The following NAALADL2 variants were observed in gnomAD, a reference collection of about 807,000 sequenced individuals.
NAALADL2 encodes N-acetylated alpha-linked acidic dipeptidase like 2.
In NAALADL2, 76 loss-of-function variants were observed where a neutral mutation model predicts 87.2. That is an observed-to-expected ratio of 0.87 (90% CI 0.72 to 1.05). The LOEUF is 1.05. Ranked by LOEUF, NAALADL2 falls within the 50% of genes least tolerant of loss-of-function variation. The pLI, the probability that NAALADL2 is intolerant of heterozygous loss-of-function variation, is 0.00. For synonymous variants in NAALADL2, 354 were observed against 331.0 expected, an observed-to-expected ratio of 1.07 and a Z score of -0.75; for missense variants, 1,089 against 945.8, an observed-to-expected ratio of 1.15 and a Z score of -1.99.
At chr3:174,510,890 T>G (rs1719558968) in intron 1 of NAALADL2, among the ~76,000 whole-genome samples, 1 of 151,984 alleles carries the variant, frequency 6.6e-6, no homozygotes, top group East Asian at 1.9e-4. Context: ...AATTGTGACA[T>G]GACGTGTGTT....
At chr3:175,498,899 G>A (rs904060462) in intron 9 of NAALADL2, among the ~76,000 whole-genome samples, 4 of 152,010 alleles carry the variant, frequency 2.6e-5, no homozygotes, top group African/African-American at 9.7e-5. Context: ...TGCAATCATG[G>A]TAAAGCACAC....
At chr3:175,786,595 ATTC>A (rs879619186) in intron 13 of NAALADL2, among the ~76,000 whole-genome samples, 126 of 152,068 alleles carry the variant, frequency 8.3e-4, no homozygotes, top group Non-Finnish European at 1.7e-3. Flanking sequence ...CTAGTTATAC[ATTC>A]TTCTAAATTT....
At chr3:174,891,284 T>A (rs1461822726) in intron 1 of NAALADL2, among the ~76,000 whole-genome samples, 1 of 151,982 alleles carries the variant, frequency 6.6e-6, no homozygotes, top group Non-Finnish European at 1.5e-5. Flanking sequence ...TCATCATCCC[T>A]TACCCACAAG....
intron 6 of NAALADL2, among the ~76,000 whole-genome samples, chr3:175,458,114 A>G (rs1722592558): frequency 6.6e-6 from 1 of 152,074 alleles, no homozygotes; most frequent in Non-Finnish European, 1.5e-5. Flanking sequence ...AAGATGTACC[A>G]AATCATCTTG....
In NAALADL2 at chr3:174,459,174, A is replaced by C. The variant is rs182873413; in HGVS notation, c.-184+18142A>C. 8.5e-5 allele frequency: 13 copies of C among 152,370 alleles called. No individual in the cohort carries two copies. The East Asian group carries it at 2.5e-3, about 29-fold the overall frequency. 9.4% of individuals were successfully genotyped at this position (152,370 alleles called of 1,614,324 possible). On this transcript the variant is annotated intron_variant, in intron 1 of 3. Coordinates refer to the NAALADL2 transcript ENST00000434257. ...ATTAAGAACATTATTGACAGAATAA[A>C]AAGTTGGTAGTCCTTTTATGTCTTT...
At chr3:175,400,597 G>T (rs1770437878) in intron 5 of NAALADL2, among the ~76,000 whole-genome samples, 1 of 152,034 alleles carries the variant, frequency 6.6e-6, no homozygotes, top group African/African-American at 2.4e-5. Flanking sequence ...CATTAAGGTG[G>T]GTTTGTCAGC....
At chr3:174,736,153 A>G (rs1236138756) in intron 2 of NAALADL2, among the ~76,000 whole-genome samples, 4 of 152,140 alleles carry the variant, frequency 2.6e-5, no homozygotes, top group African/African-American at 9.7e-5. Flanking sequence ...AGAGAGTGTC[A>G]CAGCCCTGGC....
At position 174,607,200 on chromosome 3, in the gene NAALADL2, C is replaced by T. The variant is rs191648013; in HGVS notation, c.-115+56563C>T. 6.6e-3 allele frequency among the ~76,000 whole-genome samples: 1,005 copies of T among 151,960 alleles called. 20 individuals are homozygous for T. The highest frequency in any genetic ancestry group is 0.046 in the South Asian group (219 of 4,788). On this transcript the variant is annotated intron_variant, in intron 2 of 3. Transcript: ENST00000434257. ...ATGGAAAGGAACAACTGGTACCAGCCGCTGCAAAATCATGCCAAAATGTAA... is the reference window on the plus strand; with the variant it reads ...ATGGAAAGGAACAACTGGTACCAGCTGCTGCAAAATCATGCCAAAATGTAA...
intron 2 of NAALADL2, among the ~76,000 whole-genome samples, chr3:174,565,351 C>G (rs1161068773): frequency 2.0e-5 from 3 of 151,996 alleles, no homozygotes; most frequent in Admixed American, 1.3e-4. Flanking sequence ...CCCCCAAATC[C>G]TTGGCAATCA....
chr3:175,097,244 A>C lies in NAALADL2; in HGVS notation c.498A>C (p.Gln166His). 2.5e-6 allele frequency: 4 copies of C among 1,613,302 alleles called. No homozygotes were observed. Among genetic ancestry groups the C allele is most frequent in the Non-Finnish European group, 3.4e-6 (4 of 1,179,416 alleles). The part of the protein sequence containing the change: ...SSGTVDPQLY[Q>H]EILKTIQAED... ...GAACAGTTGATCCTCAGTTATATCA[A>C]GAGATTCTCAAGACAATCCAGGCAG... is the stretch of plus-strand genomic sequence containing the variant. Residue 166 changes from glutamine (Q) to histidine (H), a missense_variant, in exon 2 of 14, where the codon CAA becomes CAC. By Grantham distance (24) the Gln-to-His change is conservative (BLOSUM62 0). Transcript: ENST00000454872.
intron 1 of NAALADL2, among the ~76,000 whole-genome samples, chr3:174,537,787 T>C (rs757814965): frequency 6.6e-5 from 10 of 152,174 alleles, no homozygotes; most frequent in Admixed American, 2.6e-4. Flanking sequence ...TATAATCATG[T>C]ACAGTGGCAG....
At chr3:174,654,653 T>G (rs1190593653) in intron 2 of NAALADL2, among the ~76,000 whole-genome samples, 4 of 152,222 alleles carry the variant, frequency 2.6e-5, no homozygotes, top group African/African-American at 9.6e-5. Flanking sequence ...CATGTTTTCT[T>G]TAGTGCAAAT....
chr3:175,677,503 G>T (rs1372112359), intron 11 of NAALADL2, among the ~76,000 whole-genome samples: 5 of 151,406 alleles, frequency 3.3e-5, no homozygotes, highest in African/African-American at 1.2e-4. Flanking sequence ...GTGTGTGTGT[G>T]TGTGTGTGTG....
intron 2 of NAALADL2, among the ~76,000 whole-genome samples, chr3:174,732,534 C>T (rs1001548429): frequency 1.3e-5 from 2 of 152,010 alleles, no homozygotes; most frequent in Admixed American, 6.6e-5. Flanking sequence ...GTGATAGATC[C>T]TGAGGACACA....
chr3:174,847,502 G>A (rs954051684), intron 3 of NAALADL2, among the ~76,000 whole-genome samples: 6 of 152,108 alleles, frequency 3.9e-5, no homozygotes, highest in Admixed American at 3.9e-4. Context: ...AAAATTTTAT[G>A]TGCCATTAGT....
At chr3:174,567,894 C>A (rs966566474) in intron 2 of NAALADL2, among the ~76,000 whole-genome samples, 1 of 151,548 alleles carries the variant, frequency 6.6e-6, no homozygotes, top group Admixed American at 6.6e-5. Context: ...TGAATGTTTT[C>A]ATTAGAAGGT....
chr3:175,062,877 T>C (rs1713798343), intron 1 of NAALADL2, among the ~76,000 whole-genome samples: 1 of 152,110 alleles, frequency 6.6e-6, no homozygotes, highest in Non-Finnish European at 1.5e-5. Context: ...GCAAGGGAAA[T>C]CATACTTGGA....
At chr3:175,720,283 A>G (rs987267964) in intron 11 of NAALADL2, among the ~76,000 whole-genome samples, 3 of 152,122 alleles carry the variant, frequency 2.0e-5, no homozygotes, top group Non-Finnish European at 4.4e-5. Flanking sequence ...AACCATAACA[A>G]AAGAATTGAT....
intron 3 of NAALADL2, among the ~76,000 whole-genome samples, chr3:174,741,855 A>G (rs567164125): frequency 1.3e-5 from 2 of 151,796 alleles, no homozygotes; most frequent in Middle Eastern, 6.8e-3. Context: ...AGCGGTTTCC[A>G]TTTCCTTATA....
Sources: gnomAD v4.1 joint callset for allele counts (sites outside exome capture counted in the v4.1 genomes callset) on GRCh38, gnomAD v4.1.1 for gene constraint, MANE v1.5 for transcripts, NCBI Gene and HGNC (gene_info 2026-07-23, HGNC 2026-07-21) for gene names.